Variants in PCDH15 observed in about 807,000 individuals in gnomAD.
PCDH15 encodes protocadherin-15.
In PCDH15, 129 loss-of-function variants were observed where a neutral mutation model predicts 178.5. The observed-to-expected ratio is 0.72, with a 90% CI of 0.63 to 0.84. The LOEUF is 0.84. Among genes scored for constraint, PCDH15 ranks in the 40% least tolerant of loss-of-function variants. The pLI is 0.00. For synonymous variants in PCDH15, 800 were observed against 732.0 expected, an observed-to-expected ratio of 1.09 and a Z score of -1.50; for missense variants, 2,230 against 2,099.9, an observed-to-expected ratio of 1.06 and a Z score of -1.21.
chr10:53,834,855 C>T (rs920189778), intron 29 of PCDH15, among the ~76,000 whole-genome samples: 7 of 152,110 alleles, frequency 4.6e-5, no homozygotes, highest in African/African-American at 1.7e-4. Flanking sequence ...GATTTTGATA[C>T]TGCAATGTAC....
intron 2 of PCDH15, among the ~76,000 whole-genome samples, chr10:55,362,453 C>T (rs962240905): frequency 1.3e-5 from 2 of 152,070 alleles, no homozygotes; most frequent in Non-Finnish European, 2.9e-5. Flanking sequence ...TTAAAGAGAA[C>T]TAATCAGCTC....
intron 2 of PCDH15, among the ~76,000 whole-genome samples, chr10:55,124,226 T>G (rs949190475): frequency 3.9e-5 from 6 of 152,184 alleles, no homozygotes; most frequent in Non-Finnish European, 2.9e-5. Context: ...TGTCATTTTC[T>G]TCCAAGAGCA....
At chr10:54,779,178 C>T (rs1053413539) in intron 1 of PCDH15, among the ~76,000 whole-genome samples, 4 of 151,458 alleles carry the variant, frequency 2.6e-5, no homozygotes, top group South Asian at 2.1e-4. Flanking sequence ...GAGTCAAAAT[C>T]CACTACAATG....
At chr10:54,293,951 A>C (rs1255692985) in intron 8 of PCDH15, among the ~76,000 whole-genome samples, 5 of 152,204 alleles carry the variant, frequency 3.3e-5, no homozygotes, top group Non-Finnish European at 7.3e-5. Context: ...CATTTGACCC[A>C]GCAATCCCAT....
chr10:54,875,093 A>T (rs1449126178), intron 3 of PCDH15, among the ~76,000 whole-genome samples: 1 of 152,188 alleles, frequency 6.6e-6, no homozygotes, highest in African/African-American at 2.4e-5. Context: ...CAACTCTATC[A>T]GTGCTATTTT....
At chr10:55,453,141 G>GA (rs1386060434) in intron 2 of PCDH15, among the ~76,000 whole-genome samples, 3 of 152,140 alleles carry the variant, frequency 2.0e-5, no homozygotes, top group Admixed American at 6.6e-5. Context: ...AGCAAGCTGA[G>GA]ACATTATTCC....
intron 2 of PCDH15, among the ~76,000 whole-genome samples, chr10:55,558,855 T>C (rs1157622348): frequency 6.6e-6 from 1 of 152,162 alleles, no homozygotes; most frequent in Non-Finnish European, 1.5e-5. Flanking sequence ...AATGTATTTG[T>C]TATTTTTGTT....
intron 3 of PCDH15, among the ~76,000 whole-genome samples, chr10:54,447,090 C>T (rs2076186118): frequency 6.6e-6 from 1 of 151,554 alleles, no homozygotes; most frequent in South Asian, 2.1e-4. Flanking sequence ...GATCTTGCCC[C>T]GTTCTCGCTT....
At chr10:54,757,667 CAAT>C (rs1366362093) in intron 1 of PCDH15, among the ~76,000 whole-genome samples, 1 of 152,122 alleles carries the variant, frequency 6.6e-6, no homozygotes, top group Non-Finnish European at 1.5e-5. Context: ...TGCCCACCAA[CAAT>C]GACAAGTAAG....
chr10:54,849,351 T>G (rs1006237772), intron 3 of PCDH15, among the ~76,000 whole-genome samples: 2 of 152,202 alleles, frequency 1.3e-5, no homozygotes, highest in African/African-American at 4.8e-5. Flanking sequence ...CTTAATTATC[T>G]TATCTGCTTT....
chr10:55,321,948 C>T (rs1178635880), upstream of PCDH15, among the ~76,000 whole-genome samples: 1 of 152,192 alleles, frequency 6.6e-6, no homozygotes, highest in East Asian at 1.9e-4. Context: ...ACCACACAAA[C>T]AAGTCTGCAT....
chr10:54,860,200 G>A (rs902043186), intron 3 of PCDH15, among the ~76,000 whole-genome samples: 1 of 151,994 alleles, frequency 6.6e-6, no homozygotes, highest in Non-Finnish European at 1.5e-5. Flanking sequence ...TGTTTCATGG[G>A]TGTATTGTGC....
intron 2 of PCDH15, among the ~76,000 whole-genome samples, chr10:54,589,322 C>T (rs1449785962): frequency 6.6e-6 from 1 of 152,064 alleles, no homozygotes. Context: ...GAACACTATT[C>T]CTCAAGAAAT....
chr10:54,559,850 TAA>T (rs80250003), intron 2 of PCDH15, among the ~76,000 whole-genome samples: 13 of 73,092 alleles, frequency 1.8e-4, no homozygotes, highest in African/African-American at 6.1e-4. Context: ...TGTCTTATAG[TAA>T]AAAAAAAAAA....
intron 2 of PCDH15, among the ~76,000 whole-genome samples, chr10:54,958,191 G>A (rs997914680): frequency 1.3e-5 from 2 of 151,574 alleles, no homozygotes; most frequent in African/African-American, 4.8e-5. Flanking sequence ...CATTTCTTTG[G>A]TATCTTCCAT....
intron 2 of PCDH15, chr10:54,654,836 A>G (rs1284340133): frequency 6.6e-6 from 1 of 152,192 alleles, no homozygotes; most frequent in Non-Finnish European, 1.5e-5. Context: ...CATCCACCTT[A>G]CCGGATATTA....
At chr10:54,928,366 A>C (rs1274494351) in intron 2 of PCDH15, among the ~76,000 whole-genome samples, 1 of 152,104 alleles carries the variant, frequency 6.6e-6, no homozygotes, top group Non-Finnish European at 1.5e-5. Context: ...AGCTGCCATT[A>C]ACATTTCTTT....
chr10:54,863,364 A>C (rs1335909087), intron 3 of PCDH15, among the ~76,000 whole-genome samples: 10 of 152,118 alleles, frequency 6.6e-5, no homozygotes, highest in Admixed American at 6.6e-4. Context: ...AACAAGGTGA[A>C]ACCCCGTCTC....
chr10:55,025,344 C>A (rs1490387032), intron 2 of PCDH15, among the ~76,000 whole-genome samples: 1 of 152,072 alleles, frequency 6.6e-6, no homozygotes, highest in East Asian at 1.9e-4. Context: ...CTCCTATTTT[C>A]CATAATTTCT....
Sources: allele counts gnomAD v4.1 joint callset (sites outside exome capture counted in the v4.1 genomes callset), GRCh38; gene constraint gnomAD v4.1.1; transcripts MANE v1.5; gene names NCBI Gene and HGNC (gene_info 2026-07-23, HGNC 2026-07-21).